DRC8: variants seen among roughly 807,000 people sequenced by gnomAD.
The protein encoded by DRC8 is dynein regulatory complex subunit 8.
the DRC8 span, among the ~76,000 whole-genome samples, chr1:245,037,656 A>T: frequency 3.9e-5 from 6 of 152,218 alleles, no homozygotes; most frequent in African/African-American, 1.4e-4. Context: ...ACACGTAAGT[A>T]TTTGACGTTA....
the DRC8 span, among the ~76,000 whole-genome samples, chr1:245,051,044 A>T: frequency 4.6e-5 from 7 of 151,990 alleles, no homozygotes; most frequent in Non-Finnish European, 8.8e-5. Context: ...TTTTTAAAAA[A>T]TTTTTGGTAG....
At chr1:245,009,348 A>G in the DRC8 span, among the ~76,000 whole-genome samples, 7,843 of 149,878 alleles carry the variant, frequency 0.052, 296 homozygotes, top group Non-Finnish European at 0.08. Flanking sequence ...GTGCTTTTTC[A>G]CTGTGCCTTT....
At chr1:245,074,431 A>G in the DRC8 span, among the ~76,000 whole-genome samples, 2 of 152,312 alleles carry the variant, frequency 1.3e-5, no homozygotes, top group East Asian at 3.9e-4. Context: ...GGATGAAACA[A>G]TTAGTGTAGC....
At chr1:245,038,226 T>G in the DRC8 span, among the ~76,000 whole-genome samples, 1 of 152,150 alleles carries the variant, frequency 6.6e-6, no homozygotes, top group East Asian at 1.9e-4. Context: ...ATCCCAGCAC[T>G]TTGGGAGGCC....
chr1:245,087,939 G>C, the DRC8 span: 1 of 392,966 alleles, frequency 2.5e-6, no homozygotes, highest in African/African-American at 2.1e-5. Context: ...TTATGGAGTA[G>C]CTAAAGGAGT....
At chr1:244,986,390 C>T in the DRC8 span, among the ~76,000 whole-genome samples, 1 of 152,082 alleles carries the variant, frequency 6.6e-6, no homozygotes, top group Non-Finnish European at 1.5e-5. Flanking sequence ...AGGAGTTGCA[C>T]GAGGCTCCAT....
the DRC8 span, among the ~76,000 whole-genome samples, chr1:244,978,416 C>T: frequency 2.6e-5 from 4 of 151,490 alleles, no homozygotes; most frequent in Non-Finnish European, 5.9e-5. Context: ...TCACTTGAAC[C>T]CGGGAGGCGG....
the DRC8 span, among the ~76,000 whole-genome samples, chr1:245,034,258 A>T: frequency 6.6e-6 from 1 of 152,256 alleles, no homozygotes; most frequent in East Asian, 1.9e-4. Context: ...TAGGAAAATT[A>T]AATTGAAAAC....
At chr1:245,113,878 T>C in the DRC8 span, among the ~76,000 whole-genome samples, 2 of 152,040 alleles carry the variant, frequency 1.3e-5, no homozygotes, top group African/African-American at 2.4e-5. Flanking sequence ...TACTAGCAAG[T>C]GATGACGTGG....
At chr1:245,100,480 T>TA in the DRC8 span, among the ~76,000 whole-genome samples, 1 of 151,784 alleles carries the variant, frequency 6.6e-6, no homozygotes, top group African/African-American at 2.4e-5. Flanking sequence ...TAAATGACCT[T>TA]AAAAAAATAC....
the DRC8 span, among the ~76,000 whole-genome samples, chr1:244,980,040 T>TGAAAAAAAAAAAAAAA: frequency 2.9e-5 from 1 of 34,736 alleles, no homozygotes; most frequent in African/African-American, 1.4e-4. Flanking sequence ...CCGTCTCTAC[T>TGAAAAAAAAAAAAAAA]AAAAAAAAAA....
the DRC8 span, among the ~76,000 whole-genome samples, chr1:245,085,657 T>TA: frequency 6.6e-6 from 1 of 152,216 alleles, no homozygotes; most frequent in Non-Finnish European, 1.5e-5. Flanking sequence ...GGAGAAGTAT[T>TA]ACAGGCTTTT....
chr1:245,039,183 C>T, the DRC8 span, among the ~76,000 whole-genome samples: 2 of 149,278 alleles, frequency 1.3e-5, no homozygotes, highest in Non-Finnish European at 3.0e-5. Context: ...GATATGTTTA[C>T]ACAGTGAAAT....
At chr1:245,097,121 T>C in the DRC8 span, among the ~76,000 whole-genome samples, 2 of 152,218 alleles carry the variant, frequency 1.3e-5, no homozygotes, top group Non-Finnish European at 2.9e-5. The surrounding 1 kb of genome is among the most constrained non-coding windows in gnomAD (Gnocchi z 5.0). Context: ...AAGTCCATTT[T>C]CCTAAACTTG....
the DRC8 span, among the ~76,000 whole-genome samples, chr1:244,981,028 C>T: frequency 6.6e-6 from 1 of 152,054 alleles, no homozygotes; most frequent in African/African-American, 2.4e-5. Flanking sequence ...ACCCAAAACA[C>T]AAAAATTAGC....
chr1:245,044,485 T>C, the DRC8 span, among the ~76,000 whole-genome samples: 36 of 142,310 alleles, frequency 2.5e-4, no homozygotes, highest in Non-Finnish European at 4.1e-4. Flanking sequence ...GTTTCAGTTT[T>C]TTATTTTATT....
the DRC8 span, among the ~76,000 whole-genome samples, chr1:245,003,039 A>T: frequency 6.6e-6 from 1 of 152,216 alleles, no homozygotes; most frequent in African/African-American, 2.4e-5. Flanking sequence ...GTGGAGTCAT[A>T]CAATAATTTG....
At chr1:245,030,914 T>C in the DRC8 span, 3 of 152,358 alleles carry the variant, frequency 2.0e-5, no homozygotes, top group African/African-American at 4.8e-5. Flanking sequence ...CATCAGCCCC[T>C]CTCTTGCACA....
chr1:245,041,929 C>T, the DRC8 span, among the ~76,000 whole-genome samples: 4 of 152,102 alleles, frequency 2.6e-5, no homozygotes, highest in Non-Finnish European at 5.9e-5. Flanking sequence ...CTCTGGCCTC[C>T]GGAACCGAGA....
Sources: gnomAD v4.1 joint callset for allele counts (sites outside exome capture counted in the v4.1 genomes callset) on GRCh38, gnomAD v4.1.1 for gene constraint, Gnocchi (gnomAD v3.1) non-coding constraint, MANE v1.5 for transcripts, NCBI Gene and HGNC (gene_info 2026-07-23, HGNC 2026-07-21) for gene names.